The following PXDNL variants were observed in gnomAD, a reference collection of about 807,000 sequenced individuals.
PXDNL encodes probable oxidoreductase PXDNL.
A neutral mutation model predicts 150.8 loss-of-function variants in PXDNL; 145 were observed. The ratio of observed to expected loss-of-function variants is 0.96; its 90% CI spans 0.84 to 1.10. The LOEUF (loss-of-function observed/expected upper bound fraction) is 1.10, where lower values mean the gene tolerates loss of function less well. Among genes scored for constraint, PXDNL ranks in the 50% least tolerant of loss-of-function variants. The probability of loss-of-function intolerance (pLI) is 0.00; values close to 1 mark genes in which losing one functional copy is unlikely to be tolerated. For synonymous variants in PXDNL, 757 were observed against 725.7 expected, an observed-to-expected ratio of 1.04 and a Z score of -0.69; for missense variants, 2,087 against 1,873.9, an observed-to-expected ratio of 1.11 and a Z score of -2.10.
intron 8 of PXDNL, among the ~76,000 whole-genome samples, chr8:51,459,413 T>C (rs972624034): frequency 5.3e-5 from 8 of 152,194 alleles, no homozygotes; most frequent in African/African-American, 1.9e-4. Flanking sequence ...TGGAATTTTG[T>C]TCCAAAACTT....
intron 12 of PXDNL, among the ~76,000 whole-genome samples, chr8:51,433,209 A>AAATAATAATAATAAT (rs71237206): frequency 4.0e-4 from 58 of 144,156 alleles, no homozygotes; most frequent in Admixed American, 1.7e-3. Flanking sequence ...ACTCTATCTC[A>AAATAATAATAATAAT]AATAATAATA....
At chr8:51,713,577 A>G (rs1816544076) in intron 1 of PXDNL, among the ~76,000 whole-genome samples, 1 of 152,242 alleles carries the variant, frequency 6.6e-6, no homozygotes, top group African/African-American at 2.4e-5. Flanking sequence ...CCACAGGCCC[A>G]TGTATATTAA....
At chr8:51,705,807 C>CTGTGTGTGTGTG (rs71550283) in intron 1 of PXDNL, among the ~76,000 whole-genome samples, 17 of 143,392 alleles carry the variant, frequency 1.2e-4, no homozygotes, top group African/African-American at 4.2e-4. Flanking sequence ...GGTGAAAACA[C>CTGTGTGTGTGTG]TGTGTGTGTG....
intron 1 of PXDNL, among the ~76,000 whole-genome samples, chr8:51,713,440 A>G (rs1260984958): frequency 2.0e-5 from 3 of 152,240 alleles, no homozygotes; most frequent in East Asian, 1.9e-4. Context: ...GAATGAAATG[A>G]AATACCTTTA....
chr8:51,350,942 C>T (rs558687002), intron 19 of PXDNL, among the ~76,000 whole-genome samples: 2 of 152,192 alleles, frequency 1.3e-5, no homozygotes, highest in East Asian at 3.9e-4. Context: ...GCTTCTAGTT[C>T]TCATAAAGGA....
intron 3 of PXDNL, among the ~76,000 whole-genome samples, chr8:51,562,782 G>C (rs1812743877): frequency 6.6e-6 from 1 of 151,950 alleles, no homozygotes; most frequent in African/African-American, 2.4e-5. Flanking sequence ...CCTACCATGG[G>C]ACCATAGAGG....
intron 1 of PXDNL, among the ~76,000 whole-genome samples, chr8:51,789,777 A>C (rs994389860): frequency 6.6e-6 from 1 of 152,206 alleles, no homozygotes; most frequent in African/African-American, 2.4e-5. Context: ...AGTATCCTTC[A>C]GGGGAAAGAG....
chr8:51,403,632 C>T (rs1399322451), intron 17 of PXDNL, among the ~76,000 whole-genome samples: 2 of 152,212 alleles, frequency 1.3e-5, no homozygotes, highest in Non-Finnish European at 2.9e-5. Context: ...TCTCATGTAT[C>T]TCAAATGTCC....
intron 5 of PXDNL, among the ~76,000 whole-genome samples, chr8:51,493,179 A>G (rs1810941809): frequency 6.6e-6 from 1 of 152,220 alleles, no homozygotes; most frequent in African/African-American, 2.4e-5. Flanking sequence ...CAGGATCTGG[A>G]GTGGACCTCC....
intron 9 of PXDNL, 142 bp from the exon 10 acceptor site, chr8:51,453,927 T>A: frequency 1.2e-5 from 8 of 688,808 alleles, no homozygotes; most frequent in African/African-American, 6.0e-5. Context: ...ATATACACAT[T>A]TAATTCCCAG....
At chr8:51,717,787 A>C (rs1284723672) in intron 1 of PXDNL, among the ~76,000 whole-genome samples, 2 of 152,140 alleles carry the variant, frequency 1.3e-5, no homozygotes, top group Non-Finnish European at 2.9e-5. Flanking sequence ...GGGAGAGAAG[A>C]TGAGTATTTG....
chr8:51,453,618 A>G lies in PXDNL; in HGVS notation c.1150T>C (p.Tyr384His). The change falls in exon 10 of 23, where the codon TAC (tyrosine) becomes CAC (histidine). Residue 384 changes from tyrosine to histidine, a missense_variant. Tyr to His is a moderately conservative substitution (Grantham distance 83, BLOSUM62 2). Transcript: ENST00000356297. ...TCCCGTTGTGTGATGTTCTGTAAGT[A>G]AAGTCCACTGGACGTTGCCACGTGC... is the stretch of plus-strand genomic sequence containing the variant. Reference protein sequence around the residue: ...SRHVATSSGLYLQNITQRDHG... With the variant: ...SRHVATSSGLHLQNITQRDHG... 3.1e-6 allele frequency: 5 copies of G among 1,614,052 alleles called. No individual in the cohort carries two copies. Among genetic ancestry groups the G allele is most frequent in the Non-Finnish European group, 4.2e-6 (5 of 1,179,898 alleles).
intron 2 of PXDNL, among the ~76,000 whole-genome samples, chr8:51,613,272 G>C (rs1814056322): frequency 6.6e-6 from 1 of 152,200 alleles, no homozygotes; most frequent in Middle Eastern, 3.4e-3. Context: ...GGTTGATCAT[G>C]AGTTCAGTTT....
chr8:51,544,539 C>T (rs1444271642), intron 4 of PXDNL, among the ~76,000 whole-genome samples: 2 of 152,164 alleles, frequency 1.3e-5, no homozygotes, highest in African/African-American at 4.8e-5. Flanking sequence ...GTAGCCAACA[C>T]ATAGAAAATA....
intron 19 of PXDNL, among the ~76,000 whole-genome samples, chr8:51,366,628 A>G (rs1251079717): frequency 6.6e-6 from 1 of 152,244 alleles, no homozygotes; most frequent in Non-Finnish European, 1.5e-5. Context: ...AAATAAGGCT[A>G]ATTTGAAGAG....
At chr8:51,517,146 T>C (rs925305489) in intron 4 of PXDNL, among the ~76,000 whole-genome samples, 22 of 152,140 alleles carry the variant, frequency 1.4e-4, no homozygotes, top group Non-Finnish European at 2.9e-4. Flanking sequence ...CGGATAACTT[T>C]TTTAAAAAAT....
intron 13 of PXDNL, among the ~76,000 whole-genome samples, chr8:51,425,559 C>T (rs749144876): frequency 4.6e-5 from 7 of 151,932 alleles, no homozygotes; most frequent in East Asian, 1.9e-4. Context: ...CTAGGCTGGG[C>T]GTGGTGGCTC....
At chr8:51,320,572 G>A in intron 22 of PXDNL, 1 of 463,662 alleles carries the variant, frequency 2.2e-6, no homozygotes, top group Non-Finnish European at 3.8e-6. Context: ...AAAGCTCGTG[G>A]TCTCTAGCGA....
intron 4 of PXDNL, among the ~76,000 whole-genome samples, chr8:51,532,817 G>A (rs79786088): frequency 0.015 from 2,327 of 152,254 alleles, 32 homozygotes; most frequent in African/African-American, 0.035. Flanking sequence ...TAAAACAAAT[G>A]ATAGAATAAG....
Sources: allele counts gnomAD v4.1 joint callset (sites outside exome capture counted in the v4.1 genomes callset), GRCh38; gene constraint gnomAD v4.1.1; transcripts MANE v1.5; gene names NCBI Gene and HGNC (gene_info 2026-07-23, HGNC 2026-07-21).